The following GLP1R variants were observed in gnomAD, a reference collection of about 807,000 sequenced individuals.
The protein encoded by GLP1R is glucagon like peptide 1 receptor, also known as glucagon-like peptide 1 receptor.
Under a neutral mutation model 68.4 loss-of-function variants are expected in GLP1R, and 32 were observed. That is an observed-to-expected ratio of 0.47 (90% CI 0.35 to 0.63). The LOEUF is 0.63. Ranked by LOEUF, GLP1R falls within the 20% of genes least tolerant of loss-of-function variation. GLP1R has a pLI of 0.00. For missense variants in GLP1R, 502 were observed against 594.9 expected (o/e 0.84, Z 1.62); for synonymous variants, 263 against 244.4 (o/e 1.08, Z -0.71).
At chr6:39,082,279 A>G (rs75821134) in intron 12 of GLP1R, among the ~76,000 whole-genome samples, 8,000 of 152,242 alleles carry the variant, frequency 0.053, 415 homozygotes, top group Admixed American at 0.17. Flanking sequence ...ATTACATCCA[A>G]TGCTGTGCAG....
chr6:39,050,201 C>A (rs1268204475), intron 1 of GLP1R, among the ~76,000 whole-genome samples: 1 of 152,162 alleles, frequency 6.6e-6, no homozygotes, highest in Non-Finnish European at 1.5e-5. Flanking sequence ...CTCACAGCGC[C>A]CCCAGCCAGG....
In GLP1R at chr6:39,089,666, T is replaced by C. The variant is rs2150842620; in HGVS notation, c.*3593T>C. On this transcript the variant is annotated 3_prime_UTR_variant, in exon 13 of 13. Transcript: ENST00000373256. The surrounding 1 kb of genome is among the most constrained non-coding windows in gnomAD (Gnocchi z 4.1). Reference sequence around the variant, plus strand: ...TGTGTGTGCATGTTTCTTCTGTGCATAGCAGCATAAAGTTAGGAGATGATG... The same window carrying C: ...TGTGTGTGCATGTTTCTTCTGTGCACAGCAGCATAAAGTTAGGAGATGATG... Among the ~76,000 whole-genome samples the C allele has an allele frequency of 6.6e-6, 1 of 152,260 alleles. No individual in the cohort carries two copies. The highest frequency in any genetic ancestry group is 1.5e-5 in the Non-Finnish European group (1 of 68,020).
chr6:39,051,760 G>A (rs752509810), intron 1 of GLP1R, among the ~76,000 whole-genome samples: 6 of 152,076 alleles, frequency 3.9e-5, no homozygotes, highest in Non-Finnish European at 7.4e-5. Context: ...GAGTGACCCT[G>A]TGTGTAACAG....
At chr6:39,059,462 C>G (rs1347458480) in intron 3 of GLP1R, among the ~76,000 whole-genome samples, 2 of 152,142 alleles carry the variant, frequency 1.3e-5, no homozygotes, top group African/African-American at 2.4e-5. Flanking sequence ...CCTCTGCTGT[C>G]TGGGCACACC....
At chr6:39,066,492 T>C (rs566023340) in intron 5 of GLP1R, among the ~76,000 whole-genome samples, 189 bp downstream of exon 5, 1 of 152,210 alleles carries the variant, frequency 6.6e-6, no homozygotes, top group African/African-American at 2.4e-5. Context: ...GTTCTTGGTC[T>C]AGTCTCCACG....
intron 7 of GLP1R, among the ~76,000 whole-genome samples, chr6:39,076,848 G>C (rs762298711): frequency 6.6e-6 from 1 of 152,048 alleles, no homozygotes; most frequent in Non-Finnish European, 1.5e-5. Flanking sequence ...CCCTGAATTC[G>C]AGCCCCACCT....
chr6:39,079,828 A>G lies in GLP1R; in HGVS notation c.1182+126A>G, dbSNP rs1215505791. On this transcript the variant is annotated intron_variant, in intron 11 of 12. Transcript: ENST00000373256. The surrounding 1 kb of genome is among the most constrained non-coding windows in gnomAD (Gnocchi z 4.5). ...ACCTGGAGGGGTGATCCCTGCCCAA[A>G]GTCACCTAGTTGGAGCAGAGCCAGA... 6 of 810,508 alleles carry G rather than the reference A, an allele frequency of 7.4e-6. No homozygotes were observed. The highest frequency in any genetic ancestry group is 1.2e-5 in the Non-Finnish European group (6 of 504,836). The allele number at this position is 810,508 out of a possible 1,614,324, so 50.2% of individuals were successfully genotyped here.
intron 12 of GLP1R, among the ~76,000 whole-genome samples, chr6:39,085,586 T>C (rs933688681): frequency 1.3e-5 from 2 of 152,212 alleles, no homozygotes; most frequent in Non-Finnish European, 2.9e-5. Context: ...CTCCCTGTGT[T>C]TCACCCTCCC....
At chr6:39,059,629 G>A (rs1236762402) in intron 3 of GLP1R, among the ~76,000 whole-genome samples, 2 of 152,268 alleles carry the variant, frequency 1.3e-5, no homozygotes, top group Non-Finnish European at 2.9e-5. Flanking sequence ...CATGGGTGTC[G>A]GGAGGACCAC....
At chr6:39,065,259 G>C (rs1440906508) in intron 3 of GLP1R, among the ~76,000 whole-genome samples, 1 of 152,314 alleles carries the variant, frequency 6.6e-6, no homozygotes, top group South Asian at 2.1e-4. Context: ...GGAGGGAGGT[G>C]GGCACTGAGT....
chr6:39,060,756 AGTG>A (rs1768338923), intron 3 of GLP1R, among the ~76,000 whole-genome samples: 1 of 152,212 alleles, frequency 6.6e-6, no homozygotes. Context: ...GGAGCAGAGG[AGTG>A]GTGATCTGAG....
intron 3 of GLP1R, among the ~76,000 whole-genome samples, chr6:39,059,864 C>G (rs1275608796): frequency 2.0e-5 from 3 of 152,164 alleles, no homozygotes; most frequent in African/African-American, 7.2e-5. Context: ...CCATCCATCA[C>G]CTTTAATTTT....
chr6:39,056,785 G>C (rs932727828), intron 2 of GLP1R, among the ~76,000 whole-genome samples: 1 of 152,126 alleles, frequency 6.6e-6, no homozygotes, highest in Non-Finnish European at 1.5e-5. Context: ...GTCTGCTTTG[G>C]GGTTGCTGTC....
chr6:39,072,760 G>C, intron 5 of GLP1R, 102 bp from the exon 6 acceptor site: 3 of 983,372 alleles, frequency 3.1e-6, no homozygotes, highest in Non-Finnish European at 4.7e-6. Context: ...ACAGTCCCAG[G>C]GCTGGAAACA....
chr6:39,055,728 G>T (rs3799706), intron 1 of GLP1R, among the ~76,000 whole-genome samples: 5 of 139,432 alleles, frequency 3.6e-5, no homozygotes, highest in South Asian at 2.2e-4. Context: ...GGGAGGGGGT[G>T]GGGGGTGCTG....
At chr6:39,075,302 G>T (rs1254198750) in intron 7 of GLP1R, among the ~76,000 whole-genome samples, 1 of 152,230 alleles carries the variant, frequency 6.6e-6, no homozygotes, top group Non-Finnish European at 1.5e-5. Context: ...GAGGAGGGAG[G>T]CCATCGAGGG....
At chr6:39,084,940 A>G (rs948487089) in intron 12 of GLP1R, among the ~76,000 whole-genome samples, 2 of 152,070 alleles carry the variant, frequency 1.3e-5, no homozygotes, top group African/African-American at 4.8e-5. Context: ...GCCTAAAGGG[A>G]AGGGCCCAGA....
intron 11 of GLP1R, 65 bp from the exon 12 acceptor site, chr6:39,080,633 C>A: frequency 8.7e-7 from 1 of 1,148,810 alleles, no homozygotes; most frequent in Non-Finnish European, 1.3e-6. Context: ...GTGCTTCCGA[C>A]CAGGGCCAGT....
In GLP1R at chr6:39,079,206, G is replaced by A. The variant is rs767393758; in HGVS notation, c.1043+6G>A. 15 of 1,600,000 alleles carry A rather than the reference G, an allele frequency of 9.4e-6. No individual in the cohort carries two copies. The highest frequency in any genetic ancestry group is 1.3e-5 in the Non-Finnish European group (15 of 1,167,080). ...AAGACAGACATCAAATGCAGGTGAT[G>A]TAACTGAGCTGGCTTTACTGAGGAC... is the stretch of plus-strand genomic sequence containing the variant. On this transcript the variant is annotated splice_donor_region_variant and intron_variant, in intron 10 of 12. Coordinates refer to ENST00000373256, the MANE Select transcript of GLP1R (RefSeq NM_002062.5). This position sits in a 1 kb window ranked among gnomAD's most constrained non-coding sequence, Gnocchi z 4.5.
Sources: gnomAD v4.1 joint callset for allele counts (sites outside exome capture counted in the v4.1 genomes callset) on GRCh38, gnomAD v4.1.1 for gene constraint, Gnocchi (gnomAD v3.1) non-coding constraint, MANE v1.5 for transcripts, NCBI Gene and HGNC (gene_info 2026-07-23, HGNC 2026-07-21) for gene names.